SH3TC1: variants seen among roughly 807,000 people sequenced by gnomAD.
The protein encoded by SH3TC1 is SH3 domain and tetratricopeptide repeat-containing protein 1.
SH3TC1 carries 135 observed loss-of-function variants against 117.3 expected under a neutral mutation model. That is an observed-to-expected ratio of 1.15 (90% confidence interval 1.00 to 1.33). SH3TC1 has a LOEUF of 1.33. SH3TC1 is among the 40% of genes most tolerant of loss of function. The pLI, the probability that SH3TC1 is intolerant of heterozygous loss-of-function variation, is 0.00. For missense variants in SH3TC1, 2,092 were observed against 1,794.3 expected, an observed-to-expected ratio of 1.17 and a Z score of -3.00; for synonymous variants, 898 against 816.9, an observed-to-expected ratio of 1.10 and a Z score of -1.69.
In SH3TC1 at chr4:8,212,723, T is replaced by C; in HGVS notation, c.270T>C (p.Ala90=). 1.2e-6 allele frequency: 2 copies of C among 1,612,882 alleles called. No individual in the cohort carries two copies. Among genetic ancestry groups the C allele is most frequent in the Non-Finnish European group, 1.7e-6 (2 of 1,179,922 alleles). The change falls in exon 4 of 18, where the codon GCT becomes GCC. Residue 90 remains alanine, a synonymous_variant. Coordinates refer to ENST00000245105, the MANE Select transcript of SH3TC1 (RefSeq NM_018986.5). ...YPTDLTLQLL[A]VRRKSRLRDP... Reference sequence around the variant, plus strand: ...CAGACCTGACCCTGCAGCTGCTGGCTGTGCGGAGGAAGAGCAGACTGCGGG... The same window carrying C: ...CAGACCTGACCCTGCAGCTGCTGGCCGTGCGGAGGAAGAGCAGACTGCGGG...
chr4:8,212,751 C>CCCT lies in SH3TC1; in HGVS notation c.300_301insTCC (p.Pro100_Gly101insSer). On this transcript the variant is annotated inframe_insertion, in exon 4 of 18. Coordinates refer to ENST00000245105, the MANE Select transcript of SH3TC1 (RefSeq NM_018986.5). ...GCGGAGGAAGAGCAGACTGCGGGAC[C>CCCT]CCGGCCTACAGCAGACCCTCCGGGG... 2.5e-6 allele frequency: 4 copies of CCCT among 1,612,810 alleles called. No homozygotes were observed. In the South Asian group the frequency reaches 4.4e-5, roughly 18 times the overall value.
At position 8,236,363 on chromosome 4, in the gene SH3TC1, C is replaced by T. The variant is rs146227399; in HGVS notation, c.3491C>T (p.Thr1164Met). 3.2e-4 allele frequency: 495 copies of T among 1,547,312 alleles called. No homozygotes were observed. In the African/African-American group the frequency reaches 4.4e-3, roughly 14 times the overall value. The change falls in exon 16 of 18, where the codon ACG (threonine) becomes ATG (methionine). Residue 1164 changes from threonine to methionine, a missense_variant. Physicochemically the swap from Thr to Met is moderately conservative, Grantham distance 81. Transcript: ENST00000245105. ...LCNKLVALLA[T>M]LEEPQEGLEF... Reference sequence around the variant, plus strand: ...AACAAGCTGGTGGCACTGCTGGCCACGCTGGAGGAGCCCCAGGAGGGCTTG... The same window carrying T: ...AACAAGCTGGTGGCACTGCTGGCCATGCTGGAGGAGCCCCAGGAGGGCTTG...
chr4:8,205,164 C>T lies in SH3TC1; in HGVS notation c.-28-3C>T. On this transcript the variant is annotated splice_region_variant and splice_polypyrimidine_tract_variant and intron_variant, in intron 1 of 17. Transcript: ENST00000245105. The surrounding 1 kb of genome is among the most constrained non-coding windows in gnomAD (Gnocchi z 5.4). ...CTCCTGACCACACCCCCTCTGTCCA[C>T]AGGGCCAGGCATGTGAGGTCTCTGC... 2.0e-6 allele frequency: 3 copies of T among 1,474,476 alleles called. No individual in the cohort carries two copies. The highest frequency in any genetic ancestry group is 2.7e-6 in the Non-Finnish European group (3 of 1,112,238). 91.3% of individuals were successfully genotyped at this position (1,474,476 alleles called of 1,614,324 possible). A position where few individuals can be genotyped will look rare whatever the true frequency, so the allele number is the denominator to read the frequency against.
At chr4:8,232,430 C>T in intron 13 of SH3TC1, 2 of 1,539,870 alleles carry the variant, frequency 1.3e-6, no homozygotes, top group Non-Finnish European at 1.8e-6. Flanking sequence ...CCAGCAGAAG[C>T]AGTTACATGC....
In SH3TC1 at chr4:8,212,787, CT is replaced by C; in HGVS notation, c.335del (p.Leu112ArgfsTer32). 1 of 1,608,524 alleles carries C rather than the reference CT, an allele frequency of 6.2e-7. No individual in the cohort carries two copies. The highest frequency in any genetic ancestry group is 8.5e-7 in the Non-Finnish European group (1 of 1,177,936). On this transcript the variant is annotated frameshift_variant, in exon 4 of 18. Coordinates refer to ENST00000245105, the MANE Select transcript of SH3TC1 (RefSeq NM_018986.5). LOFTEE classifies it high-confidence loss of function. Reference protein sequence around the residue: ...LQQTLRGQLRLLENDSREMAR... With the variant: ...LQQTLRGQLRXLENDSREMAR... ...GCAGACCCTCCGGGGCCAGCTCCGC[CT>C]GCTGGAGAATGATAGCCGGGAGATG...
intron 1 of SH3TC1, among the ~76,000 whole-genome samples, chr4:8,187,106 C>G (rs1369368514): frequency 6.6e-6 from 1 of 152,232 alleles, no homozygotes; most frequent in Non-Finnish European, 1.5e-5. Context: ...GACTGCCAGG[C>G]ACAGTTAATA....
rs1718087482 is a variant in SH3TC1, at chr4:8,205,101, T to C, written c.-28-66T>C. The C allele has an allele frequency of 1.5e-6, 2 of 1,346,126 alleles. No individual in the cohort carries two copies. Among genetic ancestry groups the C allele is most frequent in the Middle Eastern group, 2.7e-4 (1 of 3,712 alleles). The allele number at this position is 1,346,126 out of a possible 1,614,324, so 83.4% of individuals were successfully genotyped here. On this transcript the variant is annotated intron_variant, in intron 1 of 17. Transcript: ENST00000245105. This position sits in a 1 kb window ranked among gnomAD's most constrained non-coding sequence, Gnocchi z 5.4. ...GTGTTCTCTTTCTGGACCCCAGGCCTGGACACAACCTCCGTGCTGGTTCTG... is the reference window on the plus strand; with the variant it reads ...GTGTTCTCTTTCTGGACCCCAGGCCCGGACACAACCTCCGTGCTGGTTCTG...
chr4:8,201,585 G>A (rs1179041303), intron 1 of SH3TC1: 1 of 152,476 alleles, frequency 6.6e-6, no homozygotes, highest in African/African-American at 2.4e-5. Context: ...CCTGCCCGTG[G>A]TTGGGGCCTC....
chr4:8,183,644 A>T lies in SH3TC1; in HGVS notation c.-57+1434A>T, dbSNP rs1717144488. Among the ~76,000 whole-genome samples the T allele has an allele frequency of 6.6e-6, 1 of 152,226 alleles. No individual in the cohort carries two copies. Among genetic ancestry groups the T allele is most frequent in the Non-Finnish European group, 1.5e-5 (1 of 68,048 alleles). On this transcript the variant is annotated intron_variant, in intron 1 of 16. Coordinates refer to the SH3TC1 transcript ENST00000508641. The surrounding 1 kb of genome is among the most constrained non-coding windows in gnomAD (Gnocchi z 5.4). ...TTCTTTGGAATCCTCTTAGATTTAC[A>T]AAACAGTCAGGAAGACAGTTCAGAG...
chr4:8,219,239 T>C (rs1168891956), intron 8 of SH3TC1, 96 bp from the exon 9 acceptor site: 2 of 1,251,466 alleles, frequency 1.6e-6, no homozygotes, highest in African/African-American at 3.0e-5. Flanking sequence ...AAAAGATGAA[T>C]TCCCCATGGT....
rs1719709093 is a variant in SH3TC1 at position 8,219,609 on chromosome 4, C to T, written c.1112+79C>T. 2.2e-6 allele frequency: 3 copies of T among 1,353,418 alleles called. No individual in the cohort carries two copies. In the East Asian group the frequency reaches 8.1e-5, roughly 37 times the overall value. 83.8% of individuals were successfully genotyped at this position (1,353,418 alleles called of 1,614,324 possible). A position where few individuals can be genotyped will look rare whatever the true frequency, so the allele number is the denominator to read the frequency against. ...GGGACGTTGCTGCGTCCACCTGGCT[C>T]CCCAGGTAACAAGCCTGAAAGTCAC... On this transcript the variant is annotated intron_variant, in intron 9 of 17. Transcript: ENST00000245105.
intron 1 of SH3TC1, among the ~76,000 whole-genome samples, chr4:8,200,478 G>A (rs1270645903): frequency 6.6e-6 from 1 of 152,248 alleles, no homozygotes; most frequent in African/African-American, 2.4e-5. Context: ...CACCCTGGAT[G>A]GCCATAATTA....
chr4:8,207,655 C>T (rs573823487), intron 2 of SH3TC1, among the ~76,000 whole-genome samples: 30 of 152,314 alleles, frequency 2.0e-4, no homozygotes, highest in African/African-American at 5.8e-4. Flanking sequence ...TCTTTAATTG[C>T]ATCTCCATAC....
chr4:8,220,984 T>G (rs747375967), intron 9 of SH3TC1, among the ~76,000 whole-genome samples: 1 of 152,238 alleles, frequency 6.6e-6, no homozygotes, highest in African/African-American at 2.4e-5. Flanking sequence ...GGAAAAGCTT[T>G]GTCCACATCC....
At chr4:8,195,170 T>C (rs1317090338), upstream of SH3TC1, among the ~76,000 whole-genome samples, 1 of 152,226 alleles carries the variant, frequency 6.6e-6, no homozygotes, top group Non-Finnish European at 1.5e-5. Context: ...ACAATCCTTG[T>C]GAAGGACTGA....
upstream of SH3TC1, among the ~76,000 whole-genome samples, chr4:8,196,297 G>A (rs891403873): frequency 3.3e-5 from 5 of 152,192 alleles, no homozygotes; most frequent in Admixed American, 1.3e-4. This position sits in a 1 kb window ranked among gnomAD's most constrained non-coding sequence, Gnocchi z 4.6. Context: ...TGTTGGACCC[G>A]AGGCACGAAT....
intron 9 of SH3TC1, among the ~76,000 whole-genome samples, chr4:8,220,036 T>A (rs1719753198): frequency 6.6e-6 from 1 of 152,104 alleles, no homozygotes; most frequent in Non-Finnish European, 1.5e-5. Flanking sequence ...TCTTCCGTAT[T>A]CTCTTCTTAA....
At chr4:8,212,269 C>A (rs28481971) in intron 3 of SH3TC1, among the ~76,000 whole-genome samples, 1 of 150,790 alleles carries the variant, frequency 6.6e-6, no homozygotes, top group African/African-American at 2.5e-5. Context: ...TCACCATGGG[C>A]GTGGAGGAGG....
At chr4:8,200,791 C>T (rs1437846639) in intron 1 of SH3TC1, among the ~76,000 whole-genome samples, 6 of 152,242 alleles carry the variant, frequency 3.9e-5, no homozygotes, top group African/African-American at 1.4e-4. Flanking sequence ...TTCCCGCTGC[C>T]TGTGGCTCAG....
Sources: allele counts gnomAD v4.1 joint callset (sites outside exome capture counted in the v4.1 genomes callset), GRCh38; gene constraint gnomAD v4.1.1; non-coding constraint Gnocchi (gnomAD v3.1); transcripts MANE v1.5; gene names NCBI Gene and HGNC (gene_info 2026-07-23, HGNC 2026-07-21).